THSD7A: variants seen among roughly 807,000 people sequenced by gnomAD.
THSD7A encodes thrombospondin type-1 domain-containing protein 7A.
A neutral mutation model predicts 231.3 loss-of-function variants in THSD7A; 96 were observed. The observed-to-expected ratio is 0.41, with a 90% confidence interval of 0.35 to 0.49. The LOEUF (loss-of-function observed/expected upper bound fraction) is 0.49, where lower values mean the gene tolerates loss of function less well. Among genes scored for constraint, THSD7A ranks in the 20% least tolerant of loss-of-function variants. The pLI, the probability that THSD7A is intolerant of heterozygous loss-of-function variation, is 0.05. For missense variants in THSD7A, 2,290 were observed against 2,070.2 expected, an observed-to-expected ratio of 1.11 and a Z score of -2.06; for synonymous variants, 940 against 743.3, an observed-to-expected ratio of 1.26 and a Z score of -4.30.
chr7:11,430,747 G>A (rs1174910974), intron 13 of THSD7A, among the ~76,000 whole-genome samples: 1 of 152,176 alleles, frequency 6.6e-6, no homozygotes. Context: ...GATTACAGGT[G>A]TGAACCACCA....
chr7:11,417,747 A>T (rs1049782416), intron 16 of THSD7A, 144 bp from the exon 17 acceptor site: 7 of 751,152 alleles, frequency 9.3e-6, no homozygotes, highest in Non-Finnish European at 1.4e-5. Context: ...AAGCTTTGTT[A>T]TCTAATAAAA....
chr7:11,596,275 T>C (rs547033327), intron 2 of THSD7A, among the ~76,000 whole-genome samples: 9 of 152,288 alleles, frequency 5.9e-5, no homozygotes, highest in African/African-American at 1.9e-4. Context: ...AATTTGGGGA[T>C]TACTGGACAC....
chr7:11,556,887 ACTTTTAT>A (rs1285219717), intron 4 of THSD7A, among the ~76,000 whole-genome samples: 1 of 151,900 alleles, frequency 6.6e-6, no homozygotes, highest in African/African-American at 2.4e-5. Flanking sequence ...GCTTTCAAAT[ACTTTTAT>A]CTTTCGTTTT....
At chr7:11,666,143 A>G (rs1783121585) in intron 1 of THSD7A, among the ~76,000 whole-genome samples, 1 of 152,126 alleles carries the variant, frequency 6.6e-6, no homozygotes. Flanking sequence ...GTCAGATATT[A>G]ATATTAGAGA....
intron 1 of THSD7A, among the ~76,000 whole-genome samples, chr7:11,738,174 T>G (rs1781980031): frequency 6.6e-6 from 1 of 152,018 alleles, no homozygotes; most frequent in Non-Finnish European, 1.5e-5. Flanking sequence ...GGATAAGAAG[T>G]GTTTCAGATT....
chr7:11,744,042 C>T (rs79867646), intron 1 of THSD7A, among the ~76,000 whole-genome samples: 1,730 of 151,952 alleles, frequency 0.011, 34 homozygotes, highest in African/African-American at 0.04. Context: ...ATAGCAATTT[C>T]GTGGTTCTTA....
chr7:11,704,309 T>C (rs1175714167), intron 1 of THSD7A, among the ~76,000 whole-genome samples: 1 of 151,064 alleles, frequency 6.6e-6, no homozygotes, highest in Non-Finnish European at 1.5e-5. Flanking sequence ...AAAATACTAT[T>C]AAAACATAAT....
chr7:11,697,963 C>A (rs1462712407), intron 1 of THSD7A, among the ~76,000 whole-genome samples: 1 of 151,362 alleles, frequency 6.6e-6, no homozygotes, highest in Non-Finnish European at 1.5e-5. Context: ...GGTTCTTCAA[C>A]TATATGTTAG....
intron 1 of THSD7A, among the ~76,000 whole-genome samples, chr7:11,780,997 C>CAAAAAAAAAAAAAAAA (rs58931693): frequency 4.4e-4 from 15 of 34,448 alleles, no homozygotes; most frequent in Admixed American, 5.6e-4. Flanking sequence ...GACTCCGTCT[C>CAAAAAAAAAAAAAAAA]AAAAAAAAAA....
intron 1 of THSD7A, chr7:11,820,969 G>T: frequency 9.6e-7 from 1 of 1,038,432 alleles, no homozygotes; most frequent in Non-Finnish European, 1.4e-6. Flanking sequence ...TCAATATCAA[G>T]GCGGAGATCA....
chr7:11,669,306 A>G (rs1263902583), intron 1 of THSD7A, among the ~76,000 whole-genome samples: 1 of 152,088 alleles, frequency 6.6e-6, no homozygotes. Flanking sequence ...GTATTTAAAA[A>G]TACTTTTTTT....
At chr7:11,508,946 G>C (rs1314669489) in intron 6 of THSD7A, among the ~76,000 whole-genome samples, 3 of 152,102 alleles carry the variant, frequency 2.0e-5, no homozygotes, top group Non-Finnish European at 2.9e-5. Flanking sequence ...GTAGGAGAGG[G>C]AAATGAAGAC....
At chr7:11,747,338 C>G (rs183369152) in intron 1 of THSD7A, among the ~76,000 whole-genome samples, 7 of 151,968 alleles carry the variant, frequency 4.6e-5, no homozygotes, top group African/African-American at 1.7e-4. Context: ...CTTCTCTAAG[C>G]CTAGGTGAGT....
At chr7:11,808,421 C>G (rs1006741240) in intron 1 of THSD7A, among the ~76,000 whole-genome samples, 1 of 152,140 alleles carries the variant, frequency 6.6e-6, no homozygotes, top group African/African-American at 2.4e-5. Flanking sequence ...AACCTGCCAA[C>G]ACCTTGGTCT....
intron 1 of THSD7A, among the ~76,000 whole-genome samples, chr7:11,698,938 C>G (rs1367780070): frequency 6.7e-6 from 1 of 148,252 alleles, no homozygotes; most frequent in African/African-American, 2.5e-5. Flanking sequence ...AAAATATAAG[C>G]ATATTTGCAT....
chr7:11,616,661 T>A (rs1193108653), intron 2 of THSD7A, among the ~76,000 whole-genome samples: 2 of 152,212 alleles, frequency 1.3e-5, no homozygotes, highest in Non-Finnish European at 2.9e-5. Context: ...TGTGTTCTCC[T>A]GTTCTCACGT....
intron 19 of THSD7A, 59 bp from the exon 20 acceptor site, chr7:11,407,482 A>G: frequency 7.9e-7 from 1 of 1,267,274 alleles, no homozygotes; most frequent in Non-Finnish European, 1.1e-6. Context: ...GAGCCAGAGA[A>G]TGAGGTGACA....
At chr7:11,513,312 T>C (rs1787895687) in intron 6 of THSD7A, among the ~76,000 whole-genome samples, 1 of 149,102 alleles carries the variant, frequency 6.7e-6, no homozygotes, top group Admixed American at 6.7e-5. Context: ...TATGGAAAAA[T>C]AGAATAAAAT....
At position 11,713,776 on chromosome 7, in the gene THSD7A, C is replaced by T. The variant is rs995777345; in HGVS notation, c.191-76815G>A. On this transcript the variant is annotated intron_variant, in intron 1 of 27. Coordinates refer to ENST00000423059, the MANE Select transcript of THSD7A (RefSeq NM_015204.3). ...AAACAGGCACACAGAGCTAGATGTT[C>T]TCTTGTCACTTAAACTGCAATTCCT... Among the ~76,000 whole-genome samples, 3 of 151,172 alleles carry T rather than the reference C, an allele frequency of 2.0e-5. No individual in the cohort carries two copies. In the South Asian group the frequency reaches 6.2e-4, roughly 31 times the overall value.
Sources: allele counts gnomAD v4.1 joint callset (sites outside exome capture counted in the v4.1 genomes callset), GRCh38; gene constraint gnomAD v4.1.1; transcripts MANE v1.5; gene names NCBI Gene and HGNC (gene_info 2026-07-23, HGNC 2026-07-21).